Variants in DUSP29 observed in about 807,000 individuals in gnomAD.
DUSP29 encodes atypical dual-specific protein phosphatase.
DUSP29 carries 12 observed loss-of-function variants against 13.5 expected under a neutral mutation model. The ratio of observed to expected loss-of-function variants is 0.89; its 90% CI spans 0.57 to 1.44. The LOEUF is 1.44. DUSP29 is among the 40% of genes most tolerant of loss of function. DUSP29 has a pLI of 0.00. For missense variants in DUSP29, 308 were observed against 301.1 expected (o/e 1.02, Z -0.17); for synonymous variants, 134 against 128.7 (o/e 1.04, Z -0.28).
chr10:75,055,507 C>G (rs1846940766), intron 2 of DUSP29, among the ~76,000 whole-genome samples: 1 of 152,170 alleles, frequency 6.6e-6, no homozygotes, highest in African/African-American at 2.4e-5. Context: ...TTATAACATT[C>G]CATTTATACA....
At chr10:75,048,369 A>G (rs1589859847) in intron 2 of DUSP29, among the ~76,000 whole-genome samples, 1 of 146,216 alleles carries the variant, frequency 6.8e-6, no homozygotes, top group Non-Finnish European at 1.5e-5. Context: ...TTCCCAGTTC[A>G]CTGGAATCAT....
At chr10:75,045,746 G>T (rs774284037) in intron 2 of DUSP29, among the ~76,000 whole-genome samples, 5 of 152,240 alleles carry the variant, frequency 3.3e-5, no homozygotes, top group Non-Finnish European at 5.9e-5. Flanking sequence ...ATAGGAAGGA[G>T]TATTATTGCA....
chr10:75,057,529 G>A (rs1473475453), intron 2 of DUSP29, among the ~76,000 whole-genome samples: 1 of 152,160 alleles, frequency 6.6e-6, no homozygotes, highest in Non-Finnish European at 1.5e-5. Context: ...TTTATAATGG[G>A]AGTAATTAGC....
chr10:75,046,983 T>A (rs1846719887), intron 2 of DUSP29, among the ~76,000 whole-genome samples: 1 of 152,176 alleles, frequency 6.6e-6, no homozygotes, highest in Non-Finnish European at 1.5e-5. Flanking sequence ...AGTGGCAGTT[T>A]GAATGAATAA....
chr10:75,042,939 C>G (rs1021923235), intron 3 of DUSP29, among the ~76,000 whole-genome samples: 3 of 152,256 alleles, frequency 2.0e-5, no homozygotes, highest in African/African-American at 7.2e-5. Context: ...CTGAAGTACA[C>G]CCTGCAGCAA....
At chr10:75,062,418 C>T (rs1847110286) in intron 1 of DUSP29, among the ~76,000 whole-genome samples, 1 of 152,218 alleles carries the variant, frequency 6.6e-6, no homozygotes, top group Admixed American at 6.5e-5. Flanking sequence ...CTTGGTGAGG[C>T]CATTCTTCCT....
chr10:75,053,654 C>T (rs1357321960), intron 2 of DUSP29, among the ~76,000 whole-genome samples: 1 of 152,170 alleles, frequency 6.6e-6, no homozygotes, highest in Admixed American at 6.5e-5. Flanking sequence ...CCTCTCCCCT[C>T]CTCAACTCTG....
chr10:75,052,300 CTT>C (rs751523419), intron 2 of DUSP29, among the ~76,000 whole-genome samples: 8,566 of 124,516 alleles, frequency 0.069, 212 homozygotes, highest in South Asian at 0.22. Context: ...CATTTGTCTA[CTT>C]TTTTTTTTTT....
In DUSP29 at chr10:75,037,883, G is replaced by A. The variant is rs534370323; in HGVS notation, c.616C>T (p.Arg206Trp). 160 of 1,612,626 alleles carry A rather than the reference G, an allele frequency of 9.9e-5. No individual in the cohort carries two copies. The East Asian group carries it at 2.5e-3, about 25-fold the overall frequency. ...TCCTCACCGTCCTGGCGCTGGGACC[G>A]TCGCCTCTGCTGCACCAGCTGCTTG... is the stretch of plus-strand genomic sequence containing the variant. The part of the protein sequence containing the change: ...LDKQLVQQRR[R>W]SQRQDGEEED... The change falls in exon 4 of 4, where the codon CGG becomes TGG. Residue 206 changes from arginine to tryptophan, a missense_variant. Transcript: ENST00000338487.
intron 1 of DUSP29, among the ~76,000 whole-genome samples, 199 bp from the exon 2 acceptor site, chr10:75,058,747 A>G (rs575343373): frequency 1.7e-3 from 258 of 152,288 alleles, no homozygotes; most frequent in African/African-American, 5.8e-3. Context: ...CACTTCCCCA[A>G]TGTTCCAATC....
intron 2 of DUSP29, among the ~76,000 whole-genome samples, chr10:75,052,561 C>A (rs1412736051): frequency 6.6e-6 from 1 of 152,200 alleles, no homozygotes; most frequent in Non-Finnish European, 1.5e-5. Context: ...CCTGCCTCGG[C>A]CTCCCAAAGT....
At chr10:75,044,039 C>A in intron 2 of DUSP29, 22 bp from the exon 3 acceptor site, 1 of 1,594,698 alleles carries the variant, frequency 6.3e-7, no homozygotes, top group East Asian at 2.2e-5. Context: ...GGAGAGAAAT[C>A]TGTGGGCGCG....
In DUSP29 at chr10:75,037,863, AC is replaced by A. The variant is rs1846495697; in HGVS notation, c.635del (p.Gly212ValfsTer29). ...QQRRRSQRQD[G>X]EEEDGREL ...ACAGCTCCCTGCCATCCTCCTCCTC[AC>A]CGTCCTGGCGCTGGGACCGTCGCCT... On this transcript the variant is annotated frameshift_variant, in exon 4 of 4. Coordinates refer to ENST00000338487, the MANE Select transcript of DUSP29 (RefSeq NM_001003892.3). LOFTEE classifies it low-confidence loss of function (END_TRUNC). 6.2e-7 allele frequency: 1 copy of A among 1,609,680 alleles called. No homozygotes were observed. The highest frequency in any genetic ancestry group is 1.1e-5 in the South Asian group (1 of 90,962).
At chr10:75,064,052 C>CTT (rs921669025) in intron 1 of DUSP29, among the ~76,000 whole-genome samples, 1 of 145,932 alleles carries the variant, frequency 6.9e-6, no homozygotes, top group Non-Finnish European at 1.5e-5. Flanking sequence ...CTAGTTCAGA[C>CTT]TTTTTTTTTT....
In DUSP29 at chr10:75,037,812, C is replaced by T. The variant is rs770944193; in HGVS notation, c.*24G>A. On this transcript the variant is annotated 3_prime_UTR_variant, in exon 4 of 4. Transcript: ENST00000338487. ...GCCTCTCCCCTCTGTCCCCAAGTGC[C>T]TCTGCTGGCCCTGTGAGTCGGGCCT... 4 of 1,587,268 alleles carry T rather than the reference C, an allele frequency of 2.5e-6. No homozygotes were observed. In the South Asian group the frequency reaches 3.3e-5, roughly 13 times the overall value.
intron 3 of DUSP29, among the ~76,000 whole-genome samples, chr10:75,039,558 T>C (rs1209803141): frequency 6.6e-6 from 1 of 152,242 alleles, no homozygotes; most frequent in Admixed American, 6.5e-5. Context: ...TGCTCCTCAA[T>C]TGCATGCTTT....
chr10:75,060,678 C>T (rs960418139), intron 1 of DUSP29, among the ~76,000 whole-genome samples: 1 of 152,180 alleles, frequency 6.6e-6, no homozygotes, highest in Non-Finnish European at 1.5e-5. Context: ...CACCATTTTA[C>T]ACCACCTGAT....
intron 2 of DUSP29, among the ~76,000 whole-genome samples, chr10:75,052,369 C>T (rs1027914565): frequency 2.0e-5 from 3 of 147,914 alleles, no homozygotes; most frequent in East Asian, 2.0e-4. Context: ...TGCAGTGGCG[C>T]GATCTCGGCT....
rs60933170 is a variant in DUSP29 at position 75,054,653 on chromosome 10, A to G, written c.200+3662T>C. 1.6e-3 allele frequency among the ~76,000 whole-genome samples: 247 copies of G among 152,256 alleles called. 1 individual carries two copies. Among genetic ancestry groups the G allele is most frequent in the African/African-American group, 5.8e-3 (239 of 41,540 alleles). On this transcript the variant is annotated intron_variant, in intron 2 of 3. Transcript: ENST00000338487. ...TGACTGCTTTGGGATATTGAAAGCA[A>G]TCTTTCTTACATTTATCATTTTTTT...
Sources: allele counts gnomAD v4.1 joint callset (sites outside exome capture counted in the v4.1 genomes callset), GRCh38; gene constraint gnomAD v4.1.1; transcripts MANE v1.5; gene names NCBI Gene and HGNC (gene_info 2026-07-23, HGNC 2026-07-21).